FER1L5: variants seen among roughly 807,000 people sequenced by gnomAD.
The protein encoded by FER1L5 is fer-1-like protein 5.
Under a neutral mutation model 279.9 loss-of-function variants are expected in FER1L5, and 187 were observed. That is an observed-to-expected ratio of 0.67 (90% CI 0.59 to 0.75). The LOEUF (loss-of-function observed/expected upper bound fraction) is 0.75. Ranked by LOEUF, FER1L5 falls within the 30% of genes least tolerant of loss-of-function variation. The probability of loss-of-function intolerance (pLI) is 0.00; values close to 1 mark genes in which losing one functional copy is unlikely to be tolerated. For missense variants in FER1L5, 2,091 were observed against 2,594.4 expected (o/e 0.81, Z 4.21); for synonymous variants, 921 against 989.7 (o/e 0.93, Z 1.30).
chr2:96,699,217 T>C, intron 42 of FER1L5, 81 bp downstream of exon 42: 1 of 1,405,948 alleles, frequency 7.1e-7, no homozygotes, highest in African/African-American at 1.4e-5. Context: ...GGCACAGAAC[T>C]CTGGCACTCC....
In FER1L5 at chr2:96,669,014, C is replaced by G. The variant is rs369883410; in HGVS notation, c.1268-29C>G. 13 of 1,551,548 alleles carry G rather than the reference C, an allele frequency of 8.4e-6. No individual in the cohort carries two copies. In the African/African-American group the frequency reaches 1.8e-4, roughly 21 times the overall value. Reference sequence around the variant, plus strand: ...ACTTCCTACACCCCTCGTCCTGCGCCCGACCCTTCTCACTCTCTCTCCTTC... The same window carrying G: ...ACTTCCTACACCCCTCGTCCTGCGCGCGACCCTTCTCACTCTCTCTCCTTC... On this transcript the variant is annotated intron_variant, in intron 16 of 52. Coordinates refer to ENST00000624922, the MANE Select transcript of FER1L5 (RefSeq NM_001293083.2).
At position 96,695,680 on chromosome 2, in the gene FER1L5, G is replaced by A. The variant is rs946075107; in HGVS notation, c.3894+19G>A. On this transcript the variant is annotated intron_variant, in intron 35 of 52. Coordinates refer to ENST00000624922, the MANE Select transcript of FER1L5 (RefSeq NM_001293083.2). ...CACAGTGGTAAGAGGCCCCAGGGCA[G>A]GGGCTGGGCAGCCCTCTTCTTCTGT... The A allele has an allele frequency of 1.9e-5, 30 of 1,605,208 alleles. No homozygotes were observed. Among genetic ancestry groups the A allele is most frequent in the Non-Finnish European group, 2.6e-5 (30 of 1,175,242 alleles).
In FER1L5 at chr2:96,699,691, T is replaced by C; in HGVS notation, c.4752T>C (p.Ala1584=). ...LENRLLSGFG[A]HCGLSKSYCQ... is the part of the protein sequence containing the mutation. ...ACCGACTCCTATCTGGCTTTGGAGCTCATTGTGGGCTCTCCAAATCCTACT... is the reference window on the plus strand; with the variant it reads ...ACCGACTCCTATCTGGCTTTGGAGCCCATTGTGGGCTCTCCAAATCCTACT... Residue 1584 remains alanine, a synonymous_variant, in exon 43 of 53, where the codon GCT becomes GCC. Coordinates refer to ENST00000624922, the MANE Select transcript of FER1L5 (RefSeq NM_001293083.2). 1 of 1,613,964 alleles carries C rather than the reference T, an allele frequency of 6.2e-7. No homozygotes were observed. Among genetic ancestry groups the C allele is most frequent in the Non-Finnish European group, 8.5e-7 (1 of 1,179,880 alleles).
At position 96,686,089 on chromosome 2, in the gene FER1L5, T is replaced by C. The variant is rs1283918194; in HGVS notation, c.2045T>C (p.Leu682Pro). ...KDMVATAEDW[L>P]YRLNTVLPEP... is the part of the protein sequence containing the mutation. ...ATGGTGGCCACAGCGGAGGACTGGC[T>C]GTACCGCCTCAACACCGTGCTCCCT... The change falls in exon 22 of 53, where the codon CTG becomes CCG. Residue 682 changes from leucine (L) to proline (P), a missense_variant. By Grantham distance (98) the Leu-to-Pro change is moderately conservative (BLOSUM62 -3). Transcript: ENST00000624922. 1 of 1,551,426 alleles carries C rather than the reference T, an allele frequency of 6.4e-7. No individual in the cohort carries two copies. The highest frequency in any genetic ancestry group is 1.2e-5 in the South Asian group (1 of 84,040).
intron 10 of FER1L5, among the ~76,000 whole-genome samples, chr2:96,660,754 A>T (rs1166206668): frequency 1.3e-5 from 2 of 152,162 alleles, no homozygotes; most frequent in East Asian, 3.9e-4. Context: ...GGGTTTCACC[A>T]TGTTAGCCAG....
chr2:96,702,323 T>G lies in FER1L5; in HGVS notation c.5177T>G (p.Ile1726Ser). The G allele has an allele frequency of 6.2e-7, 1 of 1,612,468 alleles. No individual in the cohort carries two copies. Among genetic ancestry groups the G allele is most frequent in the Non-Finnish European group, 8.5e-7 (1 of 1,179,412 alleles). ...GGCCACAGGTATGAGCTGCGATGCA[T>G]CATCTGGAAGACTGCCAATGTGGAC... is the stretch of plus-strand genomic sequence containing the variant. ...RKPKRYELRC[I>S]IWKTANVDLV... Residue 1726 changes from isoleucine (I) to serine (S), a missense_variant, in exon 47 of 53, where the codon ATC becomes AGC. Coordinates refer to ENST00000624922, the MANE Select transcript of FER1L5 (RefSeq NM_001293083.2). This position sits in a 1 kb window ranked among gnomAD's most constrained non-coding sequence, Gnocchi z 4.0.
intron 34 of FER1L5, 130 bp from the exon 35 acceptor site, chr2:96,695,379 G>A: frequency 8.1e-7 from 1 of 1,233,552 alleles, no homozygotes; most frequent in Admixed American, 3.1e-5. Context: ...TGGCTCCTCT[G>A]CAGCCCCATT....
At chr2:96,646,108 C>T (rs1422956669) in intron 1 of FER1L5, among the ~76,000 whole-genome samples, 1 of 151,718 alleles carries the variant, frequency 6.6e-6, no homozygotes, top group African/African-American at 2.4e-5. Context: ...ACACCCTTCT[C>T]CTGCCTCAGC....
chr2:96,673,298 T>C (rs947412210), intron 19 of FER1L5, 44 bp downstream of exon 19: 1 of 1,520,162 alleles, frequency 6.6e-7, no homozygotes, highest in Non-Finnish European at 8.9e-7. Flanking sequence ...AGCCACTGCA[T>C]GCCAGGCCCT....
chr2:96,691,956 C>A lies in FER1L5; in HGVS notation c.3207C>A (p.Thr1069=). 1.3e-6 allele frequency: 2 copies of A among 1,538,702 alleles called. No homozygotes were observed. Among genetic ancestry groups the A allele is most frequent in the Non-Finnish European group, 1.7e-6 (2 of 1,144,870 alleles). ...RPPNLPFIYC[T]FNKPHYYQLF... is the part of the protein sequence containing the mutation. ...CCAACTTGCCCTTCATCTACTGCAC[C>A]TTCAATAGTAAGCACTGACTTGGGA... The change falls in exon 30 of 53, where the codon ACC becomes ACA. Residue 1069 remains threonine, a synonymous_variant. Coordinates refer to ENST00000624922, the MANE Select transcript of FER1L5 (RefSeq NM_001293083.2). The surrounding 1 kb of genome is among the most constrained non-coding windows in gnomAD (Gnocchi z 6.0).
intron 14 of FER1L5, among the ~76,000 whole-genome samples, chr2:96,667,768 C>T (rs557237656): frequency 2.0e-5 from 3 of 152,356 alleles, no homozygotes; most frequent in African/African-American, 7.2e-5. Context: ...TGCATTCAGA[C>T]TGCGAGGGGC....
intron 21 of FER1L5, 84 bp downstream of exon 21, chr2:96,685,513 A>C (rs1428377563): frequency 8.7e-7 from 1 of 1,149,006 alleles, no homozygotes; most frequent in Non-Finnish European, 1.2e-6. Flanking sequence ...TGCCCTGAAC[A>C]CCTCCCCCCG....
chr2:96,699,642 G>A lies in FER1L5; in HGVS notation c.4703G>A (p.Gly1568Glu). The A allele has an allele frequency of 6.2e-7, 1 of 1,613,996 alleles. No homozygotes were observed. The highest frequency in any genetic ancestry group is 8.5e-7 in the Non-Finnish European group (1 of 1,179,884). Residue 1568 changes from glycine to glutamate, a missense_variant, in exon 43 of 53, where the codon GGA (glycine) becomes GAA (glutamate). Coordinates refer to ENST00000624922, the MANE Select transcript of FER1L5 (RefSeq NM_001293083.2). ...CTATTTTCACCTGATGATAAGATAG[G>A]AACCACAGTCATCGACCTTGAAAAC... is the stretch of plus-strand genomic sequence containing the variant. ...FDLFSPDDKI[G>E]TTVIDLENRL...
Position 96,650,369 on chromosome 2 carries a change from C to T in FER1L5, c.504+80C>T, listed in dbSNP as rs924209169. ...TGTGTTCCCAGGCCACCTCACCCCT[C>T]CCCAAGGTCATGGTAGAAGGGCAGA... is the stretch of plus-strand genomic sequence containing the variant. On this transcript the variant is annotated intron_variant, in intron 6 of 52. Coordinates refer to ENST00000624922, the MANE Select transcript of FER1L5 (RefSeq NM_001293083.2). 2.3e-4 allele frequency: 278 copies of T among 1,193,598 alleles called. 1 individual carries two copies. The highest frequency in any genetic ancestry group is 3.2e-4 in the Non-Finnish European group (266 of 827,506). The allele number at this position is 1,193,598 out of a possible 1,614,324, so 73.9% of individuals were successfully genotyped here.
At chr2:96,700,559 C>T (rs2077554024) in intron 45 of FER1L5, 88 bp downstream of exon 45, 41 of 1,567,180 alleles carry the variant, frequency 2.6e-5, no homozygotes, top group South Asian at 2.5e-4. Context: ...ACATAGTCCA[C>T]GAGAGGAGAA....
chr2:96,646,876 C>T (rs1008341658), intron 2 of FER1L5, among the ~76,000 whole-genome samples, 188 bp from the exon 3 acceptor site: 3 of 152,182 alleles, frequency 2.0e-5, no homozygotes, highest in Admixed American at 1.3e-4. Context: ...TCACAGAAGC[C>T]GAGTGGGATG....
rs770204518 is a variant in FER1L5 at position 96,702,650 on chromosome 2, A to G, written c.5306A>G (p.His1769Arg). ...ATGCAGAAGACAGACATCCACTACC[A>G]CTCGCTGACTGGGGAGGCCGACTTC... ...KDMQKTDIHYHSLTGEADFNW... is the reference protein window; with the variant it reads ...KDMQKTDIHYRSLTGEADFNW... Residue 1769 changes from histidine to arginine, a missense_variant, in exon 48 of 53, where the codon CAC (histidine) becomes CGC (arginine). Physicochemically the swap from His to Arg is conservative, Grantham distance 29 (BLOSUM62 0). Transcript: ENST00000624922. The surrounding 1 kb of genome is among the most constrained non-coding windows in gnomAD (Gnocchi z 4.0). 3.1e-6 allele frequency: 5 copies of G among 1,604,338 alleles called. No homozygotes were observed. The highest frequency in any genetic ancestry group is 4.3e-6 in the Non-Finnish European group (5 of 1,175,660).
intron 24 of FER1L5, among the ~76,000 whole-genome samples, chr2:96,688,652 A>G (rs1434395735): frequency 6.6e-6 from 1 of 151,790 alleles, no homozygotes; most frequent in Non-Finnish European, 1.5e-5. Context: ...GTGTAGATGG[A>G]TACATCATAA....
intron 6 of FER1L5, among the ~76,000 whole-genome samples, chr2:96,651,021 T>A (rs1002615152): frequency 3.3e-5 from 5 of 152,212 alleles, no homozygotes; most frequent in African/African-American, 1.2e-4. Context: ...CCAACCAAAG[T>A]GTCCTTTCAA....
Sources: allele counts gnomAD v4.1 joint callset (sites outside exome capture counted in the v4.1 genomes callset), GRCh38; gene constraint gnomAD v4.1.1; non-coding constraint Gnocchi (gnomAD v3.1); transcripts MANE v1.5; gene names NCBI Gene and HGNC (gene_info 2026-07-23, HGNC 2026-07-21).